The following SAMD12 variants were observed in gnomAD, a reference collection of about 807,000 sequenced individuals.
SAMD12 encodes sterile alpha motif domain-containing protein 12.
A neutral mutation model predicts 15.0 loss-of-function variants in SAMD12; 9 were observed. That is an observed-to-expected ratio of 0.60 (90% CI 0.36 to 1.05). The LOEUF is 1.05. SAMD12 is among the 50% of genes least tolerant of loss of function. The probability of loss-of-function intolerance (pLI) is 0.01; values close to 1 mark genes in which losing one functional copy is unlikely to be tolerated. For missense variants in SAMD12, 230 were observed against 234.2 expected, an observed-to-expected ratio of 0.98 and a Z score of 0.12; for synonymous variants, 86 against 90.1, an observed-to-expected ratio of 0.96 and a Z score of 0.25.
chr8:118,543,942 A>T (rs1826055303), intron 2 of SAMD12, among the ~76,000 whole-genome samples: 1 of 151,922 alleles, frequency 6.6e-6, no homozygotes, highest in South Asian at 2.1e-4. Context: ...TTACCCAATT[A>T]TCCTTTTCAC....
chr8:118,366,548 C>T (rs1818776772), intron 4 of SAMD12, among the ~76,000 whole-genome samples: 1 of 152,100 alleles, frequency 6.6e-6, no homozygotes, highest in Non-Finnish European at 1.5e-5. Flanking sequence ...CACGGTGGCT[C>T]ATGCCTGTAA....
chr8:118,599,527 C>T (rs554562453), intron 1 of SAMD12, among the ~76,000 whole-genome samples: 2 of 152,276 alleles, frequency 1.3e-5, no homozygotes, highest in East Asian at 1.9e-4. Flanking sequence ...AAAAGGCTCC[C>T]GCTCGTGGGG....
At chr8:118,613,851 A>G (rs1828167375) in intron 1 of SAMD12, among the ~76,000 whole-genome samples, 2 of 152,230 alleles carry the variant, frequency 1.3e-5, no homozygotes, top group African/African-American at 4.8e-5. Flanking sequence ...GCCAGCCTAC[A>G]AAATTGCTGG....
rs960212957 is a variant in SAMD12 at position 118,518,310 on chromosome 8, A to G, written c.192+62405T>C. Reference sequence around the variant, plus strand: ...GATAAGCCAAGAGAGGGCTCTTTTGATAGGTAAGACAGAAAAAGCATTATC... The same window carrying G: ...GATAAGCCAAGAGAGGGCTCTTTTGGTAGGTAAGACAGAAAAAGCATTATC... On this transcript the variant is annotated intron_variant, in intron 2 of 3. Transcript: ENST00000314727. Among the ~76,000 whole-genome samples the G allele has an allele frequency of 1.4e-4, 21 of 152,304 alleles. 3 individuals are homozygous for G. The highest frequency in any genetic ancestry group is 1.2e-3 in the Admixed American group (19 of 15,300).
intron 2 of SAMD12, among the ~76,000 whole-genome samples, chr8:118,557,316 G>A (rs919334632): frequency 2.0e-5 from 3 of 152,138 alleles, no homozygotes; most frequent in African/African-American, 7.2e-5. Flanking sequence ...ATGACTGTAA[G>A]TTTCCTAAGG....
intron 4 of SAMD12, among the ~76,000 whole-genome samples, chr8:118,283,837 A>G (rs1586424420): frequency 6.6e-6 from 1 of 152,356 alleles, no homozygotes; most frequent in Middle Eastern, 3.4e-3. Flanking sequence ...TTGGGCTTGA[A>G]GAGTAAGGTT....
At chr8:118,244,499 AT>A (rs750002065) in intron 4 of SAMD12, among the ~76,000 whole-genome samples, 3 of 152,076 alleles carry the variant, frequency 2.0e-5, no homozygotes, top group Non-Finnish European at 4.4e-5. Flanking sequence ...AATCACTGGG[AT>A]TTTGAAACAT....
At chr8:118,380,863 T>C (rs1819636320) in intron 3 of SAMD12, among the ~76,000 whole-genome samples, 1 of 152,230 alleles carries the variant, frequency 6.6e-6, no homozygotes, top group South Asian at 2.1e-4. Flanking sequence ...TTAGTTTATA[T>C]GCTGTTGTAA....
intron 2 of SAMD12, among the ~76,000 whole-genome samples, chr8:118,559,206 CCCTTTTTT>C (rs1826638867): frequency 6.6e-6 from 1 of 152,186 alleles, no homozygotes; most frequent in Non-Finnish European, 1.5e-5. Context: ...TCCAGGAAGA[CCCTTTTTT>C]CCCCCCTACC....
intron 4 of SAMD12, among the ~76,000 whole-genome samples, chr8:118,223,617 C>G (rs1812127128): frequency 6.6e-6 from 1 of 152,132 alleles, no homozygotes. Context: ...CAAAATGAGC[C>G]TTAAGCAAGG....
chr8:118,379,231 T>C lies in SAMD12; in HGVS notation c.*186A>G, dbSNP rs111562087. ...GTGCAGGCTGCACATTATACAACTC[T>C]AGTGAGTGCAATCGTACCCTGATTG... On this transcript the variant is annotated 3_prime_UTR_variant, in exon 4 of 4. Coordinates refer to ENST00000314727, the MANE Select transcript of SAMD12 (RefSeq NM_207506.3). 13 of 1,419,534 alleles carry C rather than the reference T, an allele frequency of 9.2e-6. No homozygotes were observed. In the African/African-American group the frequency reaches 1.3e-4, roughly 14 times the overall value. 87.9% of individuals were successfully genotyped at this position (1,419,534 alleles called of 1,614,324 possible).
chr8:118,160,160 T>G, the SAMD12 span, among the ~76,000 whole-genome samples: 2,722 of 152,336 alleles, frequency 0.018, 81 homozygotes, highest in African/African-American at 0.061. Flanking sequence ...ACTCATAATA[T>G]TTAAAGACTA....
chr8:118,320,672 T>TTGGG (rs532457785), intron 4 of SAMD12, among the ~76,000 whole-genome samples: 91 of 85,304 alleles, frequency 1.1e-3, no homozygotes, highest in African/African-American at 3.4e-3. Context: ...TGTCGTGGGG[T>TTGGG]GGGGGGGGTG....
intron 4 of SAMD12, among the ~76,000 whole-genome samples, chr8:118,296,031 T>C (rs1814693253): frequency 6.6e-6 from 1 of 152,084 alleles, no homozygotes; most frequent in African/African-American, 2.4e-5. Context: ...TTTTATGAAG[T>C]CAAAATATAG....
At chr8:118,219,484 A>G (rs777651073) in intron 4 of SAMD12, among the ~76,000 whole-genome samples, 13 of 152,244 alleles carry the variant, frequency 8.5e-5, no homozygotes, top group Non-Finnish European at 1.9e-4. Flanking sequence ...GATTAAAGGT[A>G]GCTACAAATT....
At chr8:118,147,854 A>G in the SAMD12 span, among the ~76,000 whole-genome samples, 3 of 151,702 alleles carry the variant, frequency 2.0e-5, no homozygotes, top group Non-Finnish European at 2.9e-5. Flanking sequence ...GACTCAAGAG[A>G]TCCTTCCGAC....
intron 4 of SAMD12, among the ~76,000 whole-genome samples, chr8:118,219,741 G>A (rs889862614): frequency 3.9e-5 from 6 of 152,324 alleles, no homozygotes; most frequent in African/African-American, 1.4e-4. Context: ...GCCAGGTCTT[G>A]CAGCCATCCC....
At chr8:118,272,066 C>A (rs974812425) in intron 4 of SAMD12, among the ~76,000 whole-genome samples, 1 of 152,246 alleles carries the variant, frequency 6.6e-6, no homozygotes, top group Non-Finnish European at 1.5e-5. Context: ...TATTTCCCTT[C>A]CACAGTGCCC....
intron 4 of SAMD12, among the ~76,000 whole-genome samples, chr8:118,361,631 C>G (rs529346788): frequency 6.6e-6 from 1 of 152,058 alleles, no homozygotes; most frequent in South Asian, 2.1e-4. Context: ...ACTAAGGCAC[C>G]GCAGTAATGG....
Sources: gnomAD v4.1 joint callset for allele counts (sites outside exome capture counted in the v4.1 genomes callset) on GRCh38, gnomAD v4.1.1 for gene constraint, MANE v1.5 for transcripts, NCBI Gene and HGNC (gene_info 2026-07-23, HGNC 2026-07-21) for gene names.